The following SH3D19 variants were observed in gnomAD, a reference collection of about 807,000 sequenced individuals.
The protein encoded by SH3D19 is SH3 domain containing 19.
Under a neutral mutation model 112.1 loss-of-function variants are expected in SH3D19, and 58 were observed. The ratio of observed to expected loss-of-function variants is 0.52; its 90% confidence interval spans 0.42 to 0.64. The LOEUF (loss-of-function observed/expected upper bound fraction) is 0.64, where lower values mean the gene tolerates loss of function less well. Ranked by LOEUF, SH3D19 falls within the 30% of genes least tolerant of loss-of-function variation. SH3D19 has a pLI of 0.00. For synonymous variants in SH3D19, 391 were observed against 448.5 expected (o/e 0.87, Z 1.62); for missense variants, 1,090 against 1,263.4 (o/e 0.86, Z 2.08).
intron 7 of SH3D19, among the ~76,000 whole-genome samples, chr4:151,173,971 A>G (rs535714432): frequency 1.1e-4 from 16 of 152,380 alleles, no homozygotes; most frequent in Admixed American, 5.2e-4. Flanking sequence ...CAGTTAGAGG[A>G]AAGAAAACAT....
intron 2 of SH3D19, among the ~76,000 whole-genome samples, chr4:151,201,929 T>C (rs976344772): frequency 6.6e-6 from 1 of 151,698 alleles, no homozygotes; most frequent in African/African-American, 2.4e-5. Context: ...GGAGATTTGC[T>C]TGAACTCGGG....
At chr4:151,269,003 G>A (rs1468954352) in intron 1 of SH3D19, among the ~76,000 whole-genome samples, 2 of 152,152 alleles carry the variant, frequency 1.3e-5, no homozygotes, top group Admixed American at 6.5e-5. Context: ...CTAGATCCCT[G>A]AGGAATTGCC....
intron 1 of SH3D19, among the ~76,000 whole-genome samples, chr4:151,227,582 T>C (rs1324765556): frequency 6.6e-6 from 1 of 152,264 alleles, no homozygotes; most frequent in Non-Finnish European, 1.5e-5. Context: ...TTTCATTTGA[T>C]GAGTATTAAG....
intron 1 of SH3D19, chr4:151,226,328 A>T (rs748047384): frequency 3.9e-5 from 45 of 1,168,466 alleles, no homozygotes; most frequent in Middle Eastern, 3.5e-4. Flanking sequence ...GCATCATTAC[A>T]TGCATTATTT....
intron 1 of SH3D19, among the ~76,000 whole-genome samples, chr4:151,315,847 C>G (rs1261129144): frequency 6.6e-6 from 1 of 152,004 alleles, no homozygotes; most frequent in East Asian, 1.9e-4. Flanking sequence ...GATACTTTAC[C>G]CTTAAAGAGG....
chr4:151,262,680 C>CTCTCTCTG (rs1554064025), intron 1 of SH3D19: 1 of 111,470 alleles, frequency 9.0e-6, no homozygotes, highest in Non-Finnish European at 1.8e-5. Context: ...ACATTCTTCT[C>CTCTCTCTG]TCTCTCTCTC....
intron 1 of SH3D19, among the ~76,000 whole-genome samples, chr4:151,251,960 G>A (rs533303750): frequency 1.3e-5 from 2 of 152,244 alleles, no homozygotes; most frequent in South Asian, 2.1e-4. Context: ...CTTCACTGAG[G>A]AAACAGAAAC....
At chr4:151,157,437 A>AAC (rs1756333663) in intron 9 of SH3D19, among the ~76,000 whole-genome samples, 1 of 151,674 alleles carries the variant, frequency 6.6e-6, no homozygotes, top group Non-Finnish European at 1.5e-5. Flanking sequence ...TAAAAAAAAA[A>AAC]AACAAATGCT....
At position 151,128,276 on chromosome 4, in the gene SH3D19, C is replaced by T; in HGVS notation, c.2823G>A (p.Arg941=). The change falls in exon 18 of 20, where the codon AGG becomes AGA. Residue 941 remains arginine, a synonymous_variant. Transcript: ENST00000604030. ...AETSDDLSFK[R]GDRIQILERL... is the part of the protein sequence containing the mutation. ...GTTCCAGAATCTGGATCCGGTCTCC[C>T]CTCTTGAATGATAAGTCATCACTGG... is the stretch of plus-strand genomic sequence containing the variant. 1 of 1,614,102 alleles carries T rather than the reference C, an allele frequency of 6.2e-7. No individual in the cohort carries two copies. Among genetic ancestry groups the T allele is most frequent in the Non-Finnish European group, 8.5e-7 (1 of 1,179,992 alleles).
At chr4:151,137,620 G>A (rs769424826) in intron 14 of SH3D19, 112 bp downstream of exon 14, 90 of 811,500 alleles carry the variant, frequency 1.1e-4, no homozygotes, top group Non-Finnish European at 1.5e-4. Flanking sequence ...AATGCCAAAT[G>A]AATCAATGAA....
At chr4:151,321,022 C>T (rs915286282) in intron 1 of SH3D19, among the ~76,000 whole-genome samples, 1 of 152,162 alleles carries the variant, frequency 6.6e-6, no homozygotes, top group African/African-American at 2.4e-5. Flanking sequence ...GCCTGGGCAA[C>T]AGAGCAAGAC....
intron 12 of SH3D19, among the ~76,000 whole-genome samples, chr4:151,141,996 A>G (rs1753084065): frequency 6.6e-6 from 1 of 152,346 alleles, no homozygotes; most frequent in South Asian, 2.1e-4. Context: ...CAAGAGGAAC[A>G]GGCTAGACAG....
At position 151,150,322 on chromosome 4, in the gene SH3D19, C is replaced by CATATATAT. The variant is rs368581545; in HGVS notation, c.1756-769_1756-762dup. The stretch of plus-strand genomic sequence containing the variant: ...ATATATACACACACATATATATATA[C>CATATATAT]ATATATATATATATACACACACATA... On this transcript the variant is annotated intron_variant, in intron 9 of 19. Transcript: ENST00000604030. Among the ~76,000 whole-genome samples the CATATATAT allele has an allele frequency of 2.7e-4, 34 of 123,780 alleles. No homozygotes were observed. The Middle Eastern group carries it at 0.018, about 65-fold the overall frequency. The allele number at this position is 123,780 out of a possible 152,430, so 81.2% of individuals were successfully genotyped here.
At chr4:151,304,762 A>G (rs1035235419) in intron 1 of SH3D19, among the ~76,000 whole-genome samples, 1 of 152,178 alleles carries the variant, frequency 6.6e-6, no homozygotes, top group African/African-American at 2.4e-5. Context: ...TAGAAGGCCA[A>G]CTGTATTACC....
rs564906365 is a variant in SH3D19 at position 151,128,171 on chromosome 4, T to C, written c.2928A>G (p.Pro976=). 3 of 1,595,488 alleles carry C rather than the reference T, an allele frequency of 1.9e-6. No individual in the cohort carries two copies. The highest frequency in any genetic ancestry group is 3.5e-5 in the Admixed American group (2 of 56,926). ...ATTCATGTCTTGCGGTTGTCATACC[T>C]GGGCAGGGCCTCACAAACACTGCTG... ...IFPAVFVRPC[P]AEAKSMLAIV... Residue 976 remains proline, a splice_region_variant and synonymous_variant, in exon 18 of 20, where the codon CCA becomes CCG. Coordinates refer to ENST00000604030, the MANE Select transcript of SH3D19 (RefSeq NM_001378122.1).
chr4:151,143,942 G>C lies in SH3D19; in HGVS notation c.2191C>G (p.Pro731Ala). The C allele has an allele frequency of 6.2e-7, 1 of 1,613,906 alleles. No homozygotes were observed. The highest frequency in any genetic ancestry group is 1.3e-5 in the African/African-American group (1 of 75,016). Residue 731 changes from proline to alanine, a missense_variant, in exon 12 of 20, where the codon CCA becomes GCA. Pro to Ala is a conservative substitution (Grantham distance 27). Coordinates refer to ENST00000604030, the MANE Select transcript of SH3D19 (RefSeq NM_001378122.1). ...CTGCTTCTAAGATGTTCATCAAGTGGAGTGATAATCTTCATTTGAGACAGG... is the reference window on the plus strand; with the variant it reads ...CTGCTTCTAAGATGTTCATCAAGTGCAGTGATAATCTTCATTTGAGACAGG... The part of the protein sequence containing the change: ...VHLSQMKIIT[P>A]LDEHLRSRPN...
At chr4:151,161,636 A>ATT (rs201970887) in intron 8 of SH3D19, among the ~76,000 whole-genome samples, 152 of 146,282 alleles carry the variant, frequency 1.0e-3, no homozygotes, top group African/African-American at 3.6e-3. Flanking sequence ...ATATATATAT[A>ATT]TATATTTTAA....
intron 1 of SH3D19, among the ~76,000 whole-genome samples, chr4:151,231,559 C>A (rs767423021): frequency 1.3e-5 from 2 of 151,992 alleles, no homozygotes; most frequent in African/African-American, 4.8e-5. Context: ...TTAAATGATA[C>A]CTTTTCAATA....
chr4:151,321,965 T>A lies in SH3D19; in HGVS notation c.112+3276A>T, dbSNP rs552446737. ...CAGGTGTTGTGTCTAGCTTTCATAT[T>A]ACCACTCTCTGTCAGGTCAGGCAAT... On this transcript the variant is annotated intron_variant, in intron 1 of 19. Coordinates refer to ENST00000604030, the MANE Select transcript of SH3D19 (RefSeq NM_001378122.1). Among the ~76,000 whole-genome samples, 14 of 152,312 alleles carry A rather than the reference T, an allele frequency of 9.2e-5. No individual in the cohort carries two copies. In the South Asian group the frequency reaches 2.1e-3, roughly 23 times the overall value.
Sources: allele counts gnomAD v4.1 joint callset (sites outside exome capture counted in the v4.1 genomes callset), GRCh38; gene constraint gnomAD v4.1.1; transcripts MANE v1.5; gene names NCBI Gene and HGNC (gene_info 2026-07-23, HGNC 2026-07-21).